The following ATP8A2 variants were observed in gnomAD, a reference collection of about 807,000 sequenced individuals.
The protein encoded by ATP8A2 is phospholipid-transporting ATPase IB.
A neutral mutation model predicts 165.6 loss-of-function variants in ATP8A2; 100 were observed. The ratio of observed to expected loss-of-function variants is 0.60; its 90% CI spans 0.51 to 0.71. ATP8A2 has a LOEUF of 0.71. Among genes scored for constraint, ATP8A2 ranks in the 30% least tolerant of loss-of-function variants. The probability of loss-of-function intolerance (pLI) is 0.00; values close to 1 mark genes in which losing one functional copy is unlikely to be tolerated. For synonymous variants in ATP8A2, 543 were observed against 548.8 expected, an observed-to-expected ratio of 0.99 and a Z score of 0.15; for missense variants, 1,227 against 1,479.5, an observed-to-expected ratio of 0.83 and a Z score of 2.80.
intron 30 of ATP8A2, among the ~76,000 whole-genome samples, chr13:25,855,805 C>G (rs776922203): frequency 6.6e-6 from 1 of 152,216 alleles, no homozygotes; most frequent in Non-Finnish European, 1.5e-5. Context: ...TCTAATTTCT[C>G]CACATCTTGT....
chr13:25,480,091 C>T (rs1415553701), intron 2 of ATP8A2, among the ~76,000 whole-genome samples: 1 of 151,882 alleles, frequency 6.6e-6, no homozygotes, highest in Non-Finnish European at 1.5e-5. Flanking sequence ...CCCCTCACCT[C>T]CCGGACGGGG....
At chr13:25,389,184 G>A (rs2033157985) in intron 1 of ATP8A2, among the ~76,000 whole-genome samples, 1 of 152,156 alleles carries the variant, frequency 6.6e-6, no homozygotes, top group Admixed American at 6.5e-5. Flanking sequence ...AGGCAAGTTT[G>A]GAAACAGGAA....
intron 19 of ATP8A2, 94 bp from the exon 20 acceptor site, chr13:25,576,975 C>G (rs984688545): frequency 1.0e-6 from 1 of 983,366 alleles, no homozygotes; most frequent in Middle Eastern, 2.1e-4. Flanking sequence ...TTTTTAGGAA[C>G]CCCAGACCCC....
chr13:25,404,218 T>A lies in ATP8A2; in HGVS notation c.76+31930T>A, dbSNP rs548272831. Among the ~76,000 whole-genome samples, 58 of 152,128 alleles carry A rather than the reference T, an allele frequency of 3.8e-4. 1 individual carries two copies. In the South Asian group the frequency reaches 0.012, roughly 31 times the overall value. On this transcript the variant is annotated intron_variant, in intron 1 of 36. Transcript: ENST00000381655. ...GTGGTCTTAAGACTGAAGCCTCAGT[T>A]ATGCAGATAAGGAAGCTGGGGGTGG...
intron 35 of ATP8A2, among the ~76,000 whole-genome samples, chr13:26,001,991 A>G (rs1338895321): frequency 1.3e-5 from 2 of 152,168 alleles, no homozygotes; most frequent in Non-Finnish European, 2.9e-5. Context: ...TAGCTCTTAT[A>G]TTTATGCTTT....
intron 25 of ATP8A2, among the ~76,000 whole-genome samples, chr13:25,722,121 T>C (rs2043394931): frequency 6.6e-6 from 1 of 152,212 alleles, no homozygotes; most frequent in Admixed American, 6.5e-5. Context: ...ATGTGACTTT[T>C]TGATATTATG....
intron 24 of ATP8A2, among the ~76,000 whole-genome samples, chr13:25,596,687 T>G (rs2040244417): frequency 6.6e-6 from 1 of 152,216 alleles, no homozygotes; most frequent in Admixed American, 6.5e-5. Flanking sequence ...TTTTCATTAT[T>G]TTCAGTTTGA....
chr13:25,532,018 C>A (rs1241400676), intron 4 of ATP8A2, among the ~76,000 whole-genome samples: 2 of 152,156 alleles, frequency 1.3e-5, no homozygotes, highest in African/African-American at 2.4e-5. Context: ...TCAGTCTGAT[C>A]TAAAGCAAGG....
chr13:25,667,512 T>C (rs2042179061), intron 24 of ATP8A2, among the ~76,000 whole-genome samples: 2 of 152,196 alleles, frequency 1.3e-5, no homozygotes, highest in South Asian at 4.1e-4. Context: ...TTTGCACATA[T>C]CTGTTTCCAC....
intron 1 of ATP8A2, among the ~76,000 whole-genome samples, chr13:25,447,048 A>G (rs1593318831): frequency 6.6e-6 from 1 of 152,162 alleles, no homozygotes; most frequent in African/African-American, 2.4e-5. Flanking sequence ...CAACAATAAA[A>G]CAATTAGAAC....
At chr13:25,566,619 T>C (rs2138151947) in intron 16 of ATP8A2, among the ~76,000 whole-genome samples, 1 of 152,226 alleles carries the variant, frequency 6.6e-6, no homozygotes, top group Non-Finnish European at 1.5e-5. Context: ...GAGGAGAAAG[T>C]AGCAAAGGAA....
chr13:25,705,233 T>G (rs138478698), intron 25 of ATP8A2: 41 of 393,416 alleles, frequency 1.0e-4, no homozygotes, highest in African/African-American at 7.6e-4. Context: ...TTTGACCTCT[T>G]GAGAACACTC....
intron 24 of ATP8A2, among the ~76,000 whole-genome samples, chr13:25,662,955 A>T (rs2042081403): frequency 6.6e-6 from 1 of 152,198 alleles, no homozygotes; most frequent in Non-Finnish European, 1.5e-5. Context: ...GTTCATCTGG[A>T]ACTGAAATAG....
intron 11 of ATP8A2, 54 bp from the exon 12 acceptor site, chr13:25,553,739 G>C: frequency 6.4e-7 from 1 of 1,556,628 alleles, no homozygotes; most frequent in Non-Finnish European, 8.7e-7. Flanking sequence ...CTCTAAATGA[G>C]CCAATAGACT....
chr13:25,594,238 A>G (rs1315181525), intron 24 of ATP8A2, among the ~76,000 whole-genome samples: 5 of 152,220 alleles, frequency 3.3e-5, no homozygotes, highest in Non-Finnish European at 7.4e-5. Context: ...ATCTACTGCA[A>G]ATTCGTGAAT....
intron 6 of ATP8A2, among the ~76,000 whole-genome samples, chr13:25,533,703 G>T (rs569309395): frequency 6.6e-6 from 1 of 152,280 alleles, no homozygotes; most frequent in East Asian, 1.9e-4. Context: ...TGGAAAGGGG[G>T]CAAGAAACCA....
At chr13:25,739,038 A>T (rs542928290) in intron 25 of ATP8A2, among the ~76,000 whole-genome samples, 1 of 152,364 alleles carries the variant, frequency 6.6e-6, no homozygotes, top group East Asian at 1.9e-4. Context: ...ATATATTGAC[A>T]GTGAAGTTGA....
At chr13:25,763,530 C>T (rs1017002305) in intron 25 of ATP8A2, among the ~76,000 whole-genome samples, 22 of 152,268 alleles carry the variant, frequency 1.4e-4, no homozygotes, top group Non-Finnish European at 3.2e-4. Flanking sequence ...AGCTAACCCA[C>T]AGGTACCTAT....
chr13:25,564,525 G>C (rs538665933), intron 16 of ATP8A2, among the ~76,000 whole-genome samples: 47 of 152,280 alleles, frequency 3.1e-4, no homozygotes, highest in Non-Finnish European at 6.2e-4. Flanking sequence ...AGGTGACAAG[G>C]AAGTTAAATA....
Sources: gnomAD v4.1 joint callset for allele counts (sites outside exome capture counted in the v4.1 genomes callset) on GRCh38, gnomAD v4.1.1 for gene constraint, MANE v1.5 for transcripts, NCBI Gene and HGNC (gene_info 2026-07-23, HGNC 2026-07-21) for gene names.